MAP2K3: variants seen among roughly 807,000 people sequenced by gnomAD.
MAP2K3 encodes the protein dual specificity mitogen-activated protein kinase kinase 3.
Under a neutral mutation model 46.4 loss-of-function variants are expected in MAP2K3, and 30 were observed. The ratio of observed to expected loss-of-function variants is 0.65; its 90% CI spans 0.48 to 0.88. The LOEUF (loss-of-function observed/expected upper bound fraction) is 0.88, where lower values mean the gene tolerates loss of function less well. Among genes scored for constraint, MAP2K3 ranks in the 40% least tolerant of loss-of-function variants. The pLI is 0.00. For synonymous variants in MAP2K3, 189 were observed against 176.3 expected (o/e 1.07, Z -0.57); for missense variants, 380 against 464.5 (o/e 0.82, Z 1.67).
At chr17:21,308,834 T>G (rs2144644728) in intron 9 of MAP2K3, among the ~76,000 whole-genome samples, 1 of 152,314 alleles carries the variant, frequency 6.6e-6, no homozygotes, top group Non-Finnish European at 1.5e-5. Context: ...TGTCCATCCA[T>G]CATGATTGTT....
chr17:21,311,079 C>T (rs888171637), intron 9 of MAP2K3, among the ~76,000 whole-genome samples: 1 of 152,164 alleles, frequency 6.6e-6, no homozygotes, highest in Non-Finnish European at 1.5e-5. Context: ...GCAGTGGGCC[C>T]TGCCTGTGTG....
chr17:21,313,440 G>T, intron 10 of MAP2K3, 52 bp from the exon 11 acceptor site: 1 of 1,561,266 alleles, frequency 6.4e-7, no homozygotes, highest in Admixed American at 1.7e-5. Context: ...GGCCCTTGGG[G>T]GCTGGGCTTC....
chr17:21,302,415 TCTC>T (rs1976659014), intron 6 of MAP2K3, among the ~76,000 whole-genome samples, 156 bp downstream of exon 6: 1 of 152,308 alleles, frequency 6.6e-6, no homozygotes, highest in Non-Finnish European at 1.5e-5. Context: ...CATAGGCCCT[TCTC>T]CTCCACCCCA....
At chr17:21,286,406 G>C (rs1975724194) in intron 1 of MAP2K3, among the ~76,000 whole-genome samples, 1 of 152,268 alleles carries the variant, frequency 6.6e-6, no homozygotes, top group African/African-American at 2.4e-5. Context: ...GCCTGGGGAG[G>C]GCATGGGCTC....
chr17:21,293,081 T>C (rs1976033497), intron 1 of MAP2K3, among the ~76,000 whole-genome samples: 1 of 152,304 alleles, frequency 6.6e-6, no homozygotes, highest in Non-Finnish European at 1.5e-5. Flanking sequence ...ATAGTAGGTA[T>C]TCACTAAATG....
At chr17:21,286,209 G>A (rs1271968696) in intron 1 of MAP2K3, among the ~76,000 whole-genome samples, 1 of 152,242 alleles carries the variant, frequency 6.6e-6, no homozygotes, top group Admixed American at 6.5e-5. Flanking sequence ...TGCTCACCAG[G>A]GTACACTGGC....
intron 1 of MAP2K3, among the ~76,000 whole-genome samples, chr17:21,294,018 G>T (rs1399909668): frequency 6.6e-6 from 1 of 152,428 alleles, no homozygotes; most frequent in Non-Finnish European, 1.5e-5. Flanking sequence ...GTCCTGGGGA[G>T]AGGGGCCAGT....
intron 1 of MAP2K3, among the ~76,000 whole-genome samples, chr17:21,297,903 C>T (rs926578662): frequency 2.6e-4 from 39 of 148,734 alleles, no homozygotes; most frequent in Non-Finnish European, 4.2e-4. Context: ...GAGGGCAGCC[C>T]GGGCTGGAGT....
intron 9 of MAP2K3, among the ~76,000 whole-genome samples, chr17:21,311,185 G>A (rs549009905): frequency 6.6e-6 from 1 of 152,300 alleles, no homozygotes; most frequent in Admixed American, 6.5e-5. Context: ...AGTTGCCAGT[G>A]CCAAGTGTTT....
At chr17:21,308,998 A>G (rs1312725216) in intron 9 of MAP2K3, among the ~76,000 whole-genome samples, 4 of 152,302 alleles carry the variant, frequency 2.6e-5, no homozygotes, top group African/African-American at 9.6e-5. Context: ...TCATGTTTCC[A>G]CCACTGTGGC....
chr17:21,290,532 G>GT (rs560539699), intron 1 of MAP2K3, among the ~76,000 whole-genome samples: 1 of 152,292 alleles, frequency 6.6e-6, no homozygotes, highest in Non-Finnish European at 1.5e-5. Flanking sequence ...CAGGGCTGCT[G>GT]TTGAGGGTGA....
chr17:21,291,698 C>T (rs1171135626), intron 1 of MAP2K3: 2 of 409,928 alleles, frequency 4.9e-6, no homozygotes, highest in East Asian at 7.1e-5. Context: ...CCCTTTTGTG[C>T]TGGGGATTTT....
intron 1 of MAP2K3, among the ~76,000 whole-genome samples, chr17:21,293,388 A>G (rs1276750479): frequency 6.6e-6 from 1 of 152,312 alleles, no homozygotes; most frequent in African/African-American, 2.4e-5. Context: ...AAGTGGTTCC[A>G]TGTTGCAGGC....
intron 1 of MAP2K3, among the ~76,000 whole-genome samples, chr17:21,294,349 A>G (rs1270833023): frequency 2.9e-3 from 442 of 152,188 alleles, no homozygotes; most frequent in African/African-American, 0.01. Context: ...CTGTTGTCAG[A>G]AACCTGGTGA....
chr17:21,295,529 A>T (rs991961426), intron 1 of MAP2K3: 10 of 1,204,206 alleles, frequency 8.3e-6, no homozygotes, highest in Non-Finnish European at 1.1e-5. Flanking sequence ...CTGCCTGGCC[A>T]TCTGGGCCCA....
chr17:21,299,581 A>G (rs886528039), intron 3 of MAP2K3, among the ~76,000 whole-genome samples: 8 of 152,194 alleles, frequency 5.3e-5, no homozygotes, highest in African/African-American at 1.9e-4. Context: ...ACTTGAGAGT[A>G]TGAGGTAGGA....
chr17:21,298,267 C>A (rs11651154), intron 1 of MAP2K3, 146 bp from the exon 2 acceptor site: 146 of 1,147,768 alleles, frequency 1.3e-4, no homozygotes, highest in Middle Eastern at 2.0e-4. Flanking sequence ...GAAGGCCTAA[C>A]GGCCTGGCTT....
intron 9 of MAP2K3, 148 bp from the exon 10 acceptor site, chr17:21,311,994 C>T: frequency 1.4e-6 from 1 of 731,916 alleles, no homozygotes; most frequent in South Asian, 2.4e-5. Flanking sequence ...CGCCTTTGTT[C>T]TGCTGGGATG....
intron 6 of MAP2K3, among the ~76,000 whole-genome samples, chr17:21,302,980 G>A (rs1055598757): frequency 6.6e-6 from 1 of 152,306 alleles, no homozygotes; most frequent in African/African-American, 2.4e-5. Flanking sequence ...GAGGCAGGAG[G>A]CCGAGTGTGT....
Sources: gnomAD v4.1 joint callset for allele counts (sites outside exome capture counted in the v4.1 genomes callset) on GRCh38, gnomAD v4.1.1 for gene constraint, MANE v1.5 for transcripts, NCBI Gene and HGNC (gene_info 2026-07-23, HGNC 2026-07-21) for gene names.